The following SPATA18 variants were observed in gnomAD, a reference collection of about 807,000 sequenced individuals.
The protein encoded by SPATA18 is mitochondria-eating protein.
In SPATA18, 54 loss-of-function variants were observed where a neutral mutation model predicts 68.1. The observed-to-expected ratio is 0.79, with a 90% CI of 0.64 to 0.99. The LOEUF (loss-of-function observed/expected upper bound fraction) is 0.99. SPATA18 is among the 50% of genes least tolerant of loss of function. SPATA18 has a pLI of 0.00. For missense variants in SPATA18, 724 were observed against 681.1 expected (o/e 1.06, Z -0.70); for synonymous variants, 242 against 244.8 (o/e 0.99, Z 0.11).
chr4:52,057,013 C>T (rs1179014692), intron 1 of SPATA18, among the ~76,000 whole-genome samples: 1 of 152,036 alleles, frequency 6.6e-6, no homozygotes, highest in Admixed American at 6.6e-5. Context: ...CTTGAAATGC[C>T]CTTCCCTCTT....
At chr4:52,062,780 T>C (rs1357575519) in intron 4 of SPATA18, among the ~76,000 whole-genome samples, 2 of 152,212 alleles carry the variant, frequency 1.3e-5, no homozygotes, top group Non-Finnish European at 2.9e-5. Context: ...GCAGGCTGCA[T>C]CTATCAGTCC....
intron 1 of SPATA18, among the ~76,000 whole-genome samples, chr4:52,057,867 A>C (rs1404608945): frequency 6.6e-6 from 1 of 152,220 alleles, no homozygotes; most frequent in African/African-American, 2.4e-5. Context: ...TCCACAAGGC[A>C]TTATTATCCC....
chr4:52,057,931 A>G (rs1160405310), intron 1 of SPATA18, among the ~76,000 whole-genome samples: 2 of 152,252 alleles, frequency 1.3e-5, no homozygotes, highest in Admixed American at 1.3e-4. Flanking sequence ...GTGCAGGGTC[A>G]CATAGAACTG....
intron 1 of SPATA18, among the ~76,000 whole-genome samples, chr4:52,052,346 A>G (rs1737965300): frequency 6.6e-6 from 1 of 152,164 alleles, no homozygotes. Context: ...CTGGAAATTG[A>G]GGCACAGTTC....
chr4:52,087,441 G>T (rs1158740904), intron 11 of SPATA18, among the ~76,000 whole-genome samples: 1 of 152,102 alleles, frequency 6.6e-6, no homozygotes, highest in Non-Finnish European at 1.5e-5. Context: ...GTTGATTTTT[G>T]TAAAAGGTGT....
At chr4:52,089,984 A>G (rs1167213274) in intron 11 of SPATA18, among the ~76,000 whole-genome samples, 2 of 152,198 alleles carry the variant, frequency 1.3e-5, no homozygotes, top group African/African-American at 4.8e-5. Flanking sequence ...GGGTGCATAT[A>G]TATTTAGGAT....
chr4:52,078,917 G>A, intron 8 of SPATA18, 24 bp downstream of exon 8: 2 of 1,539,132 alleles, frequency 1.3e-6, no homozygotes, highest in Non-Finnish European at 1.8e-6. Flanking sequence ...CTTTTATTAG[G>A]ACTGGTTTGC....
intron 6 of SPATA18, among the ~76,000 whole-genome samples, chr4:52,073,766 GC>G (rs1180997923): frequency 6.6e-6 from 1 of 152,182 alleles, no homozygotes; most frequent in African/African-American, 2.4e-5. Flanking sequence ...AAAGGTTCTG[GC>G]CCAGTTTTTG....
At chr4:52,061,872 G>C (rs1738886975) in intron 3 of SPATA18, among the ~76,000 whole-genome samples, 2 of 152,064 alleles carry the variant, frequency 1.3e-5, no homozygotes, top group Admixed American at 6.6e-5. Flanking sequence ...TGTTATTCTA[G>C]GTATAAAGAT....
chr4:52,094,665 C>T (rs767056487), intron 12 of SPATA18, 93 bp downstream of exon 12: 255 of 1,385,628 alleles, frequency 1.8e-4, no homozygotes, highest in Non-Finnish European at 2.3e-4. Flanking sequence ...TGCTTTGCTT[C>T]CTAGAGAGCA....
At chr4:52,083,898 G>A (rs1305530679) in intron 10 of SPATA18, among the ~76,000 whole-genome samples, 1 of 151,796 alleles carries the variant, frequency 6.6e-6, no homozygotes, top group Non-Finnish European at 1.5e-5. Context: ...ATGCCACCAT[G>A]CCCAGCTAAT....
At chr4:52,091,989 C>G (rs1742002532) in intron 11 of SPATA18, among the ~76,000 whole-genome samples, 1 of 152,220 alleles carries the variant, frequency 6.6e-6, no homozygotes. Context: ...TTCCTAGCAG[C>G]TTTGTTTACA....
Position 52,062,283 on chromosome 4 carries a change from G to A in SPATA18, c.373G>A (p.Asp125Asn). 1.2e-6 allele frequency: 2 copies of A among 1,609,834 alleles called. No individual in the cohort carries two copies. Among genetic ancestry groups the A allele is most frequent in the Non-Finnish European group, 1.7e-6 (2 of 1,178,194 alleles). Residue 125 changes from aspartate (D) to asparagine (N), a missense_variant, in exon 4 of 13, where the codon GAC (aspartate) becomes AAC (asparagine). Asp to Asn is a conservative substitution (Grantham distance 23, BLOSUM62 1). Transcript: ENST00000295213. ...SPRDRDMQQL[D>N]SNLNSTRSQC... The stretch of plus-strand genomic sequence containing the variant: ...TCGGGATCGGGATATGCAACAGTTA[G>A]ACTCTAATTTGAACTCAACCCGGAG...
chr4:52,056,758 A>G (rs1011750925), intron 1 of SPATA18, among the ~76,000 whole-genome samples: 1 of 151,770 alleles, frequency 6.6e-6, no homozygotes, highest in African/African-American at 2.4e-5. Context: ...ATACCCATCT[A>G]CCTCCCCACC....
intron 9 of SPATA18, among the ~76,000 whole-genome samples, chr4:52,081,506 T>C (rs1400675622): frequency 1.3e-5 from 2 of 152,228 alleles, no homozygotes; most frequent in South Asian, 2.1e-4. Flanking sequence ...TGTCTTGTTC[T>C]TGATCTGTGC....
At chr4:52,070,964 T>TC (rs1433893328) in intron 5 of SPATA18, among the ~76,000 whole-genome samples, 1 of 152,010 alleles carries the variant, frequency 6.6e-6, no homozygotes, top group Non-Finnish European at 1.5e-5. Context: ...TCTGATTTGG[T>TC]CAGGAACACC....
At chr4:52,067,511 A>G (rs1176758056) in intron 4 of SPATA18, among the ~76,000 whole-genome samples, 1 of 152,096 alleles carries the variant, frequency 6.6e-6, no homozygotes, top group Non-Finnish European at 1.5e-5. Flanking sequence ...TCTACTGTCT[A>G]CTTCCTCACT....
rs182158985 is a variant in SPATA18 at position 52,082,446 on chromosome 4, C to T, written c.1415C>T (p.Pro472Leu). 3 of 1,614,124 alleles carry T rather than the reference C, an allele frequency of 1.9e-6. No homozygotes were observed. Among genetic ancestry groups the T allele is most frequent in the Non-Finnish European group, 2.5e-6 (3 of 1,180,006 alleles). Residue 472 changes from proline to leucine, a missense_variant, in exon 10 of 13, where the codon CCT becomes CTT. By Grantham distance (98) the Pro-to-Leu change is moderately conservative. Coordinates refer to ENST00000295213, the MANE Select transcript of SPATA18 (RefSeq NM_145263.4). ...CCCTTAGTCCTCTATCACGTGTGGC[C>T]TGCTCTCATGGAGAATGACTGTGTC... The part of the protein sequence containing the change: ...TAPLVLYHVW[P>L]ALMENDCVIM...
intron 4 of SPATA18, 23 bp from the exon 5 acceptor site, chr4:52,069,798 T>G: frequency 6.6e-7 from 1 of 1,521,278 alleles, no homozygotes; most frequent in African/African-American, 1.4e-5. Flanking sequence ...AAATCTATCT[T>G]TAGTTACTGA....
Sources: allele counts gnomAD v4.1 joint callset (sites outside exome capture counted in the v4.1 genomes callset), GRCh38; gene constraint gnomAD v4.1.1; transcripts MANE v1.5; gene names NCBI Gene and HGNC (gene_info 2026-07-23, HGNC 2026-07-21).